CENPU: variants seen among roughly 807,000 people sequenced by gnomAD.
The protein encoded by CENPU is KSHV latent nuclear antigen interacting protein 1.
A neutral mutation model predicts 56.7 loss-of-function variants in CENPU; 46 were observed. That is an observed-to-expected ratio of 0.81 (90% CI 0.64 to 1.04). The LOEUF is 1.04. Ranked by LOEUF, CENPU falls within the 50% of genes least tolerant of loss-of-function variation. CENPU has a pLI of 0.00. For missense variants in CENPU, 510 were observed against 490.1 expected, an observed-to-expected ratio of 1.04 and a Z score of -0.38; for synonymous variants, 166 against 163.0, an observed-to-expected ratio of 1.02 and a Z score of -0.14.
At chr4:184,715,851 A>G (rs1438693869) in intron 6 of CENPU, among the ~76,000 whole-genome samples, 1 of 152,222 alleles carries the variant, frequency 6.6e-6, no homozygotes, top group Non-Finnish European at 1.5e-5. Flanking sequence ...ACTGAACAGC[A>G]TAGACCAAAA....
intron 8 of CENPU, among the ~76,000 whole-genome samples, chr4:184,708,599 T>C (rs941921817): frequency 7.2e-5 from 11 of 151,998 alleles, no homozygotes; most frequent in Non-Finnish European, 1.5e-4. Context: ...AAGAATTAGA[T>C]AGACATCAAA....
chr4:184,728,583 TCTC>T (rs1761533751), intron 3 of CENPU, among the ~76,000 whole-genome samples: 1 of 152,158 alleles, frequency 6.6e-6, no homozygotes, highest in East Asian at 1.9e-4. Flanking sequence ...CCCATACTCT[TCTC>T]CTCCCTAAAT....
At chr4:184,715,997 A>C in intron 6 of CENPU, among the ~76,000 whole-genome samples, 1 of 151,428 alleles carries the variant, frequency 6.6e-6, no homozygotes, top group South Asian at 2.1e-4. Context: ...CAATGGCGCA[A>C]TCTCAGCTCA....
intron 2 of CENPU, among the ~76,000 whole-genome samples, chr4:184,730,320 G>A (rs1761593687): frequency 6.6e-6 from 1 of 152,068 alleles, no homozygotes; most frequent in Admixed American, 6.5e-5. Flanking sequence ...GTTTCCCAGA[G>A]GGGAAGAGAG....
In CENPU at chr4:184,734,076, G is replaced by GCT; in HGVS notation, c.-16_-15dup. 6.5e-7 allele frequency: 1 copy of GCT among 1,546,742 alleles called. No individual in the cohort carries two copies. The highest frequency in any genetic ancestry group is 1.4e-5 in the African/African-American group (1 of 73,216). On this transcript the variant is annotated 5_prime_UTR_variant, in exon 1 of 13. Coordinates refer to ENST00000281453, the MANE Select transcript of CENPU (RefSeq NM_024629.4). ...CCGCGGGGCCATGGTGCCGCTCTCC[G>GCT]CTCTCGAGCGACTGGAAGCTCCCGC...
At chr4:184,730,797 C>A in intron 2 of CENPU, 123 bp downstream of exon 2, 1 of 611,142 alleles carries the variant, frequency 1.6e-6, no homozygotes, top group Non-Finnish European at 2.8e-6. Context: ...GGAAAATGAA[C>A]ACACTTTTTC....
intron 4 of CENPU, among the ~76,000 whole-genome samples, chr4:184,724,686 T>C (rs536441361): frequency 7.4e-4 from 112 of 152,354 alleles, no homozygotes; most frequent in African/African-American, 2.6e-3. Context: ...GTAAAATCTT[T>C]CCCTCCTTTC....
intron 1 of CENPU, among the ~76,000 whole-genome samples, chr4:184,732,756 C>T (rs1435418358): frequency 6.6e-6 from 1 of 152,130 alleles, no homozygotes; most frequent in Non-Finnish European, 1.5e-5. Flanking sequence ...GTAATCTCAG[C>T]GCTTTGGGAA....
chr4:184,713,149 G>C (rs936811498), intron 6 of CENPU, 136 bp from the exon 7 acceptor site: 3 of 560,888 alleles, frequency 5.3e-6, no homozygotes, highest in African/African-American at 1.9e-5. Flanking sequence ...CCAGCACTTT[G>C]GGAGGCTGAG....
chr4:184,731,504 G>GTA (rs1561149493), intron 1 of CENPU, among the ~76,000 whole-genome samples: 1 of 152,148 alleles, frequency 6.6e-6, no homozygotes, highest in African/African-American at 2.4e-5. Context: ...TGATAAAGTT[G>GTA]TATATATATC....
At position 184,694,656 on chromosome 4, in the gene CENPU, T is replaced by C. The variant is rs1760116241; in HGVS notation, c.*632A>G. 5 of 1,614,200 alleles carry C rather than the reference T, an allele frequency of 3.1e-6. No individual in the cohort carries two copies. Among genetic ancestry groups the C allele is most frequent in the Middle Eastern group, 1.6e-4 (1 of 6,062 alleles). On this transcript the variant is annotated 3_prime_UTR_variant, in exon 13 of 13. Coordinates refer to ENST00000281453, the MANE Select transcript of CENPU (RefSeq NM_024629.4). Reference sequence around the variant, plus strand: ...TCTGGGATAATGGCATTGATGATGCTTATTTTTTAGAAGCTACTGAAGATG... The same window carrying C: ...TCTGGGATAATGGCATTGATGATGCCTATTTTTTAGAAGCTACTGAAGATG...
At chr4:184,729,506 T>C (rs1399359242) in intron 2 of CENPU, among the ~76,000 whole-genome samples, 5 of 152,358 alleles carry the variant, frequency 3.3e-5, no homozygotes, top group African/African-American at 7.2e-5. Context: ...ACACTGCAAT[T>C]TGAATTTCAT....
At position 184,702,276 on chromosome 4, in the gene CENPU, A is replaced by AATGC. The variant is rs1362279306; in HGVS notation, c.876+83_876+86dup. 1.1e-5 allele frequency: 15 copies of AATGC among 1,379,656 alleles called. No homozygotes were observed. The East Asian group carries it at 3.2e-4, about 29-fold the overall frequency. 85.5% of individuals were successfully genotyped at this position (1,379,656 alleles called of 1,614,324 possible). On this transcript the variant is annotated intron_variant, in intron 9 of 12. Coordinates refer to ENST00000281453, the MANE Select transcript of CENPU (RefSeq NM_024629.4). ...TGAGTTTATTACCATACTGCCAGCA[A>AATGC]ATGCAAGCTTTTCTAAGACAACAAT...
chr4:184,700,859 T>G lies in CENPU; in HGVS notation c.947A>C (p.Lys316Thr). The G allele has an allele frequency of 2.5e-6, 4 of 1,613,736 alleles. No individual in the cohort carries two copies. Among genetic ancestry groups the G allele is most frequent in the Non-Finnish European group, 3.4e-6 (4 of 1,179,598 alleles). ...CTGGACTTCAATCATACGCTGCCTT[T>G]TCTTTTCGATATCTGAAATCATCTA... ...NAKMISDIEK[K>T]RQRMIEVQDE... The change falls in exon 11 of 13, where the codon AAA becomes ACA. Residue 316 changes from lysine (K) to threonine (T), a missense_variant. By Grantham distance (78) the Lys-to-Thr change is moderately conservative. Transcript: ENST00000281453.
At chr4:184,710,263 A>G in intron 7 of CENPU, 83 bp from the exon 8 acceptor site, 2 of 778,060 alleles carry the variant, frequency 2.6e-6, no homozygotes, top group South Asian at 3.6e-5. Flanking sequence ...ACACAAAAAT[A>G]GTCTCACCAA....
At chr4:184,717,226 G>A (rs971759439) in intron 4 of CENPU, 30 bp from the exon 5 acceptor site, 4 of 1,528,490 alleles carry the variant, frequency 2.6e-6, no homozygotes, top group East Asian at 2.3e-5. Context: ...TCAATATCTT[G>A]TACACATTCC....
At chr4:184,705,822 C>T (rs566821484) in intron 8 of CENPU, among the ~76,000 whole-genome samples, 7 of 152,274 alleles carry the variant, frequency 4.6e-5, no homozygotes, top group African/African-American at 1.7e-4. Flanking sequence ...ACAGATGAGC[C>T]TTGAGGACAT....
In CENPU at chr4:184,734,047, G is replaced by GC. The variant is rs879447245; in HGVS notation, c.15dup (p.Arg6AlafsTer10). 21 of 1,570,512 alleles carry GC rather than the reference G, an allele frequency of 1.3e-5. No homozygotes were observed. Among genetic ancestry groups the GC allele is most frequent in the Non-Finnish European group, 1.8e-5 (21 of 1,160,038 alleles). ...GACCTGTGAGGCCGCGGCCGCCGCC[G>GC]CCCCCGCGGGGCCATGGTGCCGCTC... On this transcript the variant is annotated frameshift_variant, in exon 1 of 13. Coordinates refer to ENST00000281453, the MANE Select transcript of CENPU (RefSeq NM_024629.4). LOFTEE classifies it high-confidence loss of function.
intron 8 of CENPU, among the ~76,000 whole-genome samples, chr4:184,707,068 T>C (rs1380697292): frequency 1.3e-5 from 2 of 151,330 alleles, no homozygotes; most frequent in Non-Finnish European, 2.9e-5. Context: ...AGAACTGTCC[T>C]AGTTTTAACA....
Sources: gnomAD v4.1 joint callset for allele counts (sites outside exome capture counted in the v4.1 genomes callset) on GRCh38, gnomAD v4.1.1 for gene constraint, MANE v1.5 for transcripts, NCBI Gene and HGNC (gene_info 2026-07-23, HGNC 2026-07-21) for gene names.